Variants in WWOX observed in about 807,000 individuals in gnomAD.
The protein encoded by WWOX is WW domain-containing oxidoreductase.
In WWOX, 69 loss-of-function variants were observed where a neutral mutation model predicts 46.2. That is an observed-to-expected ratio of 1.49 (90% CI 1.23 to 1.82). WWOX has a LOEUF of 1.82. Among genes scored for constraint, WWOX ranks in the 40% most tolerant of loss-of-function variants. The probability of loss-of-function intolerance (pLI) is 0.00; values close to 1 mark genes in which losing one functional copy is unlikely to be tolerated. For synonymous variants in WWOX, 359 were observed against 202.6 expected, an observed-to-expected ratio of 1.77 and a Z score of -6.56; for missense variants, 919 against 542.6, an observed-to-expected ratio of 1.69 and a Z score of -6.89.
chr16:78,491,664 G>A (rs2084788523), intron 8 of WWOX, among the ~76,000 whole-genome samples: 2 of 152,106 alleles, frequency 1.3e-5, no homozygotes, highest in African/African-American at 4.8e-5. Flanking sequence ...ATAAGAGGGT[G>A]CATTGTGTAC....
chr16:78,663,244 C>A (rs962973774), intron 8 of WWOX, among the ~76,000 whole-genome samples: 6 of 152,172 alleles, frequency 3.9e-5, no homozygotes, highest in Admixed American at 2.0e-4. Flanking sequence ...TAAATGGAAT[C>A]ATACAATACG....
intron 8 of WWOX, among the ~76,000 whole-genome samples, chr16:79,160,153 C>T (rs191908483): frequency 7.2e-5 from 11 of 152,284 alleles, no homozygotes; most frequent in East Asian, 1.9e-4. Flanking sequence ...CACGTGAGGC[C>T]GAGAACATCC....
At chr16:78,453,058 T>C (rs2083730528) in intron 8 of WWOX, among the ~76,000 whole-genome samples, 1 of 151,916 alleles carries the variant, frequency 6.6e-6, no homozygotes, top group Non-Finnish European at 1.5e-5. Flanking sequence ...ATTTTTTGTA[T>C]TTTTGTGAAG....
intron 8 of WWOX, among the ~76,000 whole-genome samples, chr16:78,702,010 TA>T (rs1567501662): frequency 1.8e-4 from 7 of 39,112 alleles, no homozygotes; most frequent in Non-Finnish European, 3.7e-4. Flanking sequence ...CATAAAATTA[TA>T]TATATATATA....
At chr16:78,749,155 G>C (rs1490063301) in intron 8 of WWOX, among the ~76,000 whole-genome samples, 2 of 152,138 alleles carry the variant, frequency 1.3e-5, no homozygotes, top group Non-Finnish European at 1.5e-5. Flanking sequence ...GTCTGCATGG[G>C]TACGCAGATA....
rs533316253 is a variant in WWOX at position 78,495,010 on chromosome 16, C to A, written c.1056+62258C>A. 1.4e-4 allele frequency among the ~76,000 whole-genome samples: 21 copies of A among 152,244 alleles called. 1 individual carries two copies. Among genetic ancestry groups the A allele is most frequent in the Admixed American group, 1.0e-3 (16 of 15,290 alleles). On this transcript the variant is annotated intron_variant, in intron 8 of 8. Transcript: ENST00000566780. The stretch of plus-strand genomic sequence containing the variant: ...CTGTGGCGAAACCCAGGGGGTCAAG[C>A]CCCTCGGACATGACGTACTGCAAAG...
intron 8 of WWOX, among the ~76,000 whole-genome samples, chr16:78,613,314 G>A (rs1460096383): frequency 6.6e-6 from 1 of 152,234 alleles, no homozygotes; most frequent in Non-Finnish European, 1.5e-5. Context: ...GCCCCAGTGT[G>A]TTCCTTGAAG....
intron 8 of WWOX, among the ~76,000 whole-genome samples, chr16:78,491,315 C>A (rs561973203): frequency 3.3e-5 from 5 of 152,178 alleles, no homozygotes; most frequent in African/African-American, 1.2e-4. Context: ...CTGGATGAGA[C>A]GCCCCTTGGG....
intron 8 of WWOX, among the ~76,000 whole-genome samples, chr16:78,936,899 G>A (rs567391071): frequency 1.3e-5 from 2 of 152,170 alleles, no homozygotes; most frequent in Non-Finnish European, 2.9e-5. Flanking sequence ...CTGCTAAATG[G>A]AAGCCAAGAG....
intron 5 of WWOX, among the ~76,000 whole-genome samples, chr16:78,188,771 G>C (rs1470289262): frequency 6.6e-6 from 1 of 152,134 alleles, no homozygotes; most frequent in Non-Finnish European, 1.5e-5. Context: ...GGCTACTGGG[G>C]AGAAATGACA....
At chr16:78,742,395 G>C (rs983073090) in intron 8 of WWOX, among the ~76,000 whole-genome samples, 1 of 152,120 alleles carries the variant, frequency 6.6e-6, no homozygotes, top group Non-Finnish European at 1.5e-5. Context: ...GTGTTTCAGC[G>C]CCCTGGCTTC....
intron 8 of WWOX, among the ~76,000 whole-genome samples, chr16:78,690,252 C>T (rs561342028): frequency 1.5e-3 from 226 of 152,206 alleles, no homozygotes; most frequent in Non-Finnish European, 2.7e-3. Context: ...ATGGTGAACA[C>T]ATAAATAATG....
intron 8 of WWOX, among the ~76,000 whole-genome samples, chr16:79,154,579 A>G (rs1368407446): frequency 6.6e-6 from 1 of 152,034 alleles, no homozygotes; most frequent in Non-Finnish European, 1.5e-5. Flanking sequence ...GGGATATTCG[A>G]TGGCAATTTT....
At chr16:78,523,974 G>A (rs376404972) in intron 8 of WWOX, among the ~76,000 whole-genome samples, 161 of 152,278 alleles carry the variant, frequency 1.1e-3, no homozygotes, top group African/African-American at 3.8e-3. Flanking sequence ...TTATTAACAT[G>A]TGCTACTATA....
At chr16:78,749,993 C>G (rs60229676) in intron 8 of WWOX, among the ~76,000 whole-genome samples, 15 of 152,118 alleles carry the variant, frequency 9.9e-5, no homozygotes, top group African/African-American at 2.9e-4. Context: ...TCAGCTCCCC[C>G]CAACAATCCC....
At chr16:79,113,903 T>G (rs2049462373) in intron 8 of WWOX, among the ~76,000 whole-genome samples, 1 of 152,176 alleles carries the variant, frequency 6.6e-6, no homozygotes, top group Non-Finnish European at 1.5e-5. Flanking sequence ...GGAAGGAATG[T>G]TTGAATCGGA....
At chr16:78,481,540 C>T (rs952698493) in intron 8 of WWOX, among the ~76,000 whole-genome samples, 2 of 151,958 alleles carry the variant, frequency 1.3e-5, no homozygotes, top group Non-Finnish European at 2.9e-5. Context: ...TCATCCCTCA[C>T]CTCCCACCAC....
chr16:78,533,543 A>G (rs1376167892), intron 8 of WWOX, among the ~76,000 whole-genome samples: 1 of 152,166 alleles, frequency 6.6e-6, no homozygotes, highest in Non-Finnish European at 1.5e-5. Flanking sequence ...CTTAGTCTAC[A>G]GGTTCTTCAA....
At chr16:78,262,487 T>C (rs753528512) in intron 5 of WWOX, among the ~76,000 whole-genome samples, 6 of 152,212 alleles carry the variant, frequency 3.9e-5, no homozygotes, top group Non-Finnish European at 5.9e-5. Context: ...CTAGTCCTTA[T>C]GCTGAGGTTT....
Sources: gnomAD v4.1 joint callset for allele counts (sites outside exome capture counted in the v4.1 genomes callset) on GRCh38, gnomAD v4.1.1 for gene constraint, MANE v1.5 for transcripts, NCBI Gene and HGNC (gene_info 2026-07-23, HGNC 2026-07-21) for gene names.